ZCCHC12: variants seen among roughly 807,000 people sequenced by gnomAD.
ZCCHC12 encodes zinc finger CCHC-type containing 12.
For missense variants in ZCCHC12, 317 were observed against 323.4 expected, an observed-to-expected ratio of 0.98 and a Z score of 0.15; for synonymous variants, 128 against 123.2, an observed-to-expected ratio of 1.04 and a Z score of -0.26.
At position 118,825,357 on chromosome X, in the gene ZCCHC12, C is replaced by T; in HGVS notation, c.113C>T (p.Ala38Val). The change falls in exon 4 of 4, where the codon GCC becomes GTC. Residue 38 changes from alanine (A) to valine (V), a missense_variant. By Grantham distance (64) the Ala-to-Val change is moderately conservative. Transcript: ENST00000310164. ...SLGRSLGPIM[A>V]SMADRNMKLF... ...GGGAGAAGTCTCGGTCCTATAATGG[C>T]CAGCATGGCAGACAGAAACATGAAG... 2 of 1,210,926 alleles carry T rather than the reference C, an allele frequency of 1.7e-6. No individual in the cohort carries two copies. The highest frequency in any genetic ancestry group is 2.2e-6 in the Non-Finnish European group (2 of 895,081).
In ZCCHC12 at chrX:118,825,338, A is replaced by G. The variant is rs1242421853; in HGVS notation, c.94A>G (p.Ser32Gly). ...AHSMLRSLGRSLGPIMASMAD... is the reference protein window; with the variant it reads ...AHSMLRSLGRGLGPIMASMAD... ...TTCCATGCTGAGGTCCCTGGGGAGA[A>G]GTCTCGGTCCTATAATGGCCAGCAT... The change falls in exon 4 of 4, where the codon AGT becomes GGT. Residue 32 changes from serine (S) to glycine (G), a missense_variant. Ser to Gly is a moderately conservative substitution (Grantham distance 56). Transcript: ENST00000310164. 1.5e-5 allele frequency: 18 copies of G among 1,211,221 alleles called. No homozygotes were observed. The highest frequency in any genetic ancestry group is 3.5e-5 in the South Asian group (2 of 56,838).
chrX:118,823,887 C>T lies in ZCCHC12; in HGVS notation c.-410C>T, dbSNP rs751577294. On this transcript the variant is annotated 5_prime_UTR_variant, in exon 1 of 4. Transcript: ENST00000310164. ...CTGCGAAGCAGCTCCTTCGGGCAGCCCCGGGTCGCTTAGCGGCCAAGGAGG... is the reference window on the plus strand; with the variant it reads ...CTGCGAAGCAGCTCCTTCGGGCAGCTCCGGGTCGCTTAGCGGCCAAGGAGG... 5.3e-5 allele frequency: 6 copies of T among 113,574 alleles called. No homozygotes were observed. In the East Asian group the frequency reaches 1.7e-3, roughly 32 times the overall value. The allele number at this position is 113,574 out of a possible 1,213,427, so 9.4% of individuals were successfully genotyped here. A position where few individuals can be genotyped will look rare whatever the true frequency, so the allele number is the denominator to read the frequency against.
At chrX:118,824,847 T>C (rs1355044740) in intron 3 of ZCCHC12, 134 bp downstream of exon 3, 1 of 192,693 alleles carries the variant, frequency 5.2e-6, no homozygotes, top group Non-Finnish European at 9.5e-6. Flanking sequence ...TGTACTCTAT[T>C]TGGAGAGCCC....
chrX:118,825,893 A>G lies in ZCCHC12; in HGVS notation c.649A>G (p.Arg217Gly). ...CTTTCTGGAGTTAATCAGAATGGTA[A>G]GGGAGGAAGAGGATTGGGATGATGC... The part of the protein sequence containing the change: ...PNFLELIRMV[R>G]EEEDWDDAFI... Residue 217 changes from arginine (R) to glycine (G), a missense_variant, in exon 4 of 4, where the codon AGG (arginine) becomes GGG (glycine). By Grantham distance (125) the Arg-to-Gly change is moderately radical. Coordinates refer to ENST00000310164, the MANE Select transcript of ZCCHC12 (RefSeq NM_173798.4). 1 of 1,211,615 alleles carries G rather than the reference A, an allele frequency of 8.3e-7. No homozygotes were observed. Among genetic ancestry groups the G allele is most frequent in the Non-Finnish European group, 1.1e-6 (1 of 895,503 alleles).
intron 1 of ZCCHC12, 109 bp from the exon 2 acceptor site, chrX:118,824,230 G>A (rs1217425020): frequency 1.8e-5 from 2 of 110,707 alleles, no homozygotes; most frequent in African/African-American, 3.3e-5. Flanking sequence ...GTAGCGGGGG[G>A]AGGAATCTCG....
rs769090004 is a variant in ZCCHC12, at chrX:118,825,692, A to G, written c.448A>G (p.Ile150Val). 1 of 1,209,681 alleles carries G rather than the reference A, an allele frequency of 8.3e-7. No individual in the cohort carries two copies. Among genetic ancestry groups the G allele is most frequent in the African/African-American group, 1.8e-5 (1 of 56,995 alleles). ...AQGEKASLYV[I>V]RLEVQLQNAI... Reference sequence around the variant, plus strand: ...AGGGGAGAAAGCCTCCCTTTATGTGATCCGTTTAGAGGTGCAGCTCCAGAA... The same window carrying G: ...AGGGGAGAAAGCCTCCCTTTATGTGGTCCGTTTAGAGGTGCAGCTCCAGAA... Residue 150 changes from isoleucine to valine, a missense_variant, in exon 4 of 4, where the codon ATC (isoleucine) becomes GTC (valine). Physicochemically the swap from Ile to Val is conservative, Grantham distance 29. Transcript: ENST00000310164.
chrX:118,825,850 G>A lies in ZCCHC12; in HGVS notation c.606G>A (p.Glu202=). 1 of 1,211,817 alleles carries A rather than the reference G, an allele frequency of 8.3e-7. No individual in the cohort carries two copies. Among genetic ancestry groups the A allele is most frequent in the Non-Finnish European group, 1.1e-6 (1 of 895,544 alleles). Reference sequence around the variant, plus strand: ...ATTTTCTCAGGATGTATGCAAATGAGCAGGAGCGGCTTCCCAACTTTCTGG... The same window carrying A: ...ATTTTCTCAGGATGTATGCAAATGAACAGGAGCGGCTTCCCAACTTTCTGG... ...LKDFLRMYAN[E]QERLPNFLEL... Residue 202 remains glutamate, a synonymous_variant, in exon 4 of 4, where the codon GAG becomes GAA. Coordinates refer to ENST00000310164, the MANE Select transcript of ZCCHC12 (RefSeq NM_173798.4).
At position 118,826,431 on chromosome X, in the gene ZCCHC12, A is replaced by G. The variant is rs1207632369; in HGVS notation, c.1187A>G (p.Asn396Ser). 1 of 1,193,806 alleles carries G rather than the reference A, an allele frequency of 8.4e-7. No individual in the cohort carries two copies. The highest frequency in any genetic ancestry group is 3.1e-5 in the East Asian group (1 of 32,568). Reference protein sequence around the residue: ...ERSRVAPGEYNDFSEPL With the variant: ...ERSRVAPGEYSDFSEPL ...TCAAGAGTGGCCCCTGGCGAATACA[A>G]TGACTTCTCTGAGCCACTGTAAGGG... is the stretch of plus-strand genomic sequence containing the variant. The change falls in exon 4 of 4, where the codon AAT becomes AGT. Residue 396 changes from asparagine (N) to serine (S), a missense_variant. Asn to Ser is a conservative substitution (Grantham distance 46). Coordinates refer to ENST00000310164, the MANE Select transcript of ZCCHC12 (RefSeq NM_173798.4).
Position 118,825,713 on chromosome X carries a change from C to A in ZCCHC12, c.469C>A (p.Gln157Lys), listed in dbSNP as rs2018245292. 1 of 1,211,653 alleles carries A rather than the reference C, an allele frequency of 8.3e-7. No homozygotes were observed. Among genetic ancestry groups the A allele is most frequent in the South Asian group, 1.8e-5 (1 of 56,961 alleles). ...TGTGATCCGTTTAGAGGTGCAGCTC[C>A]AGAACGCTATTCAGGCAGGCATTAT... is the stretch of plus-strand genomic sequence containing the variant. The part of the protein sequence containing the change: ...LYVIRLEVQL[Q>K]NAIQAGIIAE... Residue 157 changes from glutamine (Q) to lysine (K), a missense_variant, in exon 4 of 4, where the codon CAG becomes AAG. Coordinates refer to ENST00000310164, the MANE Select transcript of ZCCHC12 (RefSeq NM_173798.4).
In ZCCHC12 at chrX:118,825,525, C is replaced by T. The variant is rs1420039966; in HGVS notation, c.281C>T (p.Ala94Val). The change falls in exon 4 of 4, where the codon GCC (alanine) becomes GTC (valine). Residue 94 changes from alanine to valine, a missense_variant. By Grantham distance (64) the Ala-to-Val change is moderately conservative. Transcript: ENST00000310164. ...KRLMKTLRGP[A>V]REVMRVLQAT... ...TTGATGAAAACCCTTAGGGGCCCTG[C>T]CCGCGAGGTCATGCGTGTGCTTCAG... 2.5e-6 allele frequency: 3 copies of T among 1,210,122 alleles called. No individual in the cohort carries two copies. The highest frequency in any genetic ancestry group is 4.4e-5 in the Admixed American group (2 of 45,777).
At position 118,826,037 on chromosome X, in the gene ZCCHC12, G is replaced by A. The variant is rs2018251084; in HGVS notation, c.793G>A (p.Glu265Lys). 2 of 1,211,457 alleles carry A rather than the reference G, an allele frequency of 1.7e-6. No individual in the cohort carries two copies. The highest frequency in any genetic ancestry group is 1.1e-6 in the Non-Finnish European group (1 of 895,298). Reference protein sequence around the residue: ...VIGSADCNVIEIDDTLDDSDE... With the variant: ...VIGSADCNVIKIDDTLDDSDE... ...CGGCAGTGCTGACTGCAATGTGATA[G>A]AGATAGATGATACCCTCGACGACTC... Residue 265 changes from glutamate to lysine, a missense_variant, in exon 4 of 4, where the codon GAG becomes AAG. Coordinates refer to ENST00000310164, the MANE Select transcript of ZCCHC12 (RefSeq NM_173798.4).
chrX:118,826,417 C>G lies in ZCCHC12; in HGVS notation c.1173C>G (p.Ala391=). ...THTEMERSRV[A]PGEYNDFSEP... The stretch of plus-strand genomic sequence containing the variant: ...CTGAGATGGAGAGGTCAAGAGTGGC[C>G]CCTGGCGAATACAATGACTTCTCTG... Residue 391 remains alanine, a synonymous_variant, in exon 4 of 4, where the codon GCC becomes GCG. Transcript: ENST00000310164. 3 of 1,210,890 alleles carry G rather than the reference C, an allele frequency of 2.5e-6. No homozygotes were observed. The highest frequency in any genetic ancestry group is 3.4e-6 in the Non-Finnish European group (3 of 895,341).
rs1240079900 is a variant in ZCCHC12, at chrX:118,826,714, G to A, written c.*261G>A. ...TTTCCTTGACAGCTTTATTCTTTGT[G>A]AAAGTGGTATAATTTATTGTTAAAT... On this transcript the variant is annotated 3_prime_UTR_variant, in exon 4 of 4. Transcript: ENST00000310164. The A allele has an allele frequency of 7.6e-6, 3 of 392,945 alleles. No individual in the cohort carries two copies. In the East Asian group the frequency reaches 1.3e-4, roughly 17 times the overall value. The allele number at this position is 392,945 out of a possible 1,213,427, so 32.4% of individuals were successfully genotyped here.
rs978757836 is a variant in ZCCHC12, at chrX:118,825,800, A to G, written c.556A>G (p.Arg186Gly). 2.5e-6 allele frequency: 3 copies of G among 1,210,056 alleles called. No homozygotes were observed. Among genetic ancestry groups the G allele is most frequent in the Non-Finnish European group, 2.2e-6 (2 of 895,285 alleles). ...GCTCCTTTTAGGCGGTGAGCTGAGT[A>G]GGGACCTCCGACTCAGACTTAAGGA... ...QQLLLGGELSRDLRLRLKDFL... is the reference protein window; with the variant it reads ...QQLLLGGELSGDLRLRLKDFL... The change falls in exon 4 of 4, where the codon AGG becomes GGG. Residue 186 changes from arginine (R) to glycine (G), a missense_variant. Coordinates refer to ENST00000310164, the MANE Select transcript of ZCCHC12 (RefSeq NM_173798.4).
rs1761870664 is a variant in ZCCHC12, at chrX:118,825,691, G to A, written c.447G>A (p.Val149=). ...QAQGEKASLY[V]IRLEVQLQNA... ...AAGGGGAGAAAGCCTCCCTTTATGT[G>A]ATCCGTTTAGAGGTGCAGCTCCAGA... The change falls in exon 4 of 4, where the codon GTG becomes GTA. Residue 149 remains valine (V), a synonymous_variant. Coordinates refer to ENST00000310164, the MANE Select transcript of ZCCHC12 (RefSeq NM_173798.4). 2 of 1,209,655 alleles carry A rather than the reference G, an allele frequency of 1.7e-6. No individual in the cohort carries two copies. The highest frequency in any genetic ancestry group is 1.8e-5 in the African/African-American group (1 of 56,982).
In ZCCHC12 at chrX:118,826,578, G is replaced by C; in HGVS notation, c.*125G>C. 1.0e-6 allele frequency: 1 copy of C among 963,801 alleles called. No individual in the cohort carries two copies. The highest frequency in any genetic ancestry group is 3.2e-5 in the East Asian group (1 of 31,296). 79.4% of individuals were successfully genotyped at this position (963,801 alleles called of 1,213,427 possible). ...TTAATCCACAAAGCGGCTATCTTTT[G>C]GGGTGGAGTAGAAAGGGTCTTGGAT... On this transcript the variant is annotated 3_prime_UTR_variant, in exon 4 of 4. Transcript: ENST00000310164.
Position 118,825,344 on chromosome X carries a change from G to T in ZCCHC12, c.100G>T (p.Gly34Cys), listed in dbSNP as rs190906444. The T allele has an allele frequency of 1.7e-6, 2 of 1,211,188 alleles. No individual in the cohort carries two copies. Among genetic ancestry groups the T allele is most frequent in the Non-Finnish European group, 2.2e-6 (2 of 895,347 alleles). ...SMLRSLGRSL[G>C]PIMASMADRN... ...GCTGAGGTCCCTGGGGAGAAGTCTC[G>T]GTCCTATAATGGCCAGCATGGCAGA... Residue 34 changes from glycine (G) to cysteine (C), a missense_variant, in exon 4 of 4, where the codon GGT (glycine) becomes TGT (cysteine). Transcript: ENST00000310164.
At position 118,825,941 on chromosome X, in the gene ZCCHC12, A is replaced by G. The variant is rs1187871627; in HGVS notation, c.697A>G (p.Lys233Glu). The G allele has an allele frequency of 4.1e-6, 5 of 1,211,796 alleles. No homozygotes were observed. In the East Asian group the frequency reaches 8.9e-5, roughly 21 times the overall value. ...TGCTTTTATTAAACGGAAGCGTCCA[A>G]AAAGGTCTGAGTCAATGGTGGAGAG... ...DDAFIKRKRP[K>E]RSESMVERAV... Residue 233 changes from lysine to glutamate, a missense_variant, in exon 4 of 4, where the codon AAA becomes GAA. Lys to Glu is a moderately conservative substitution (Grantham distance 56, BLOSUM62 1). Transcript: ENST00000310164.
chrX:118,825,770 C>T lies in ZCCHC12; in HGVS notation c.526C>T (p.Gln176Ter). 1 of 1,211,932 alleles carries T rather than the reference C, an allele frequency of 8.3e-7. No homozygotes were observed. Among genetic ancestry groups the T allele is most frequent in the Non-Finnish European group, 1.1e-6 (1 of 895,590 alleles). Residue 176 changes from glutamine to a stop codon, truncating the protein, a stop_gained, in exon 4 of 4, where the codon CAG (glutamine) becomes TAG (stop). Coordinates refer to ENST00000310164, the MANE Select transcript of ZCCHC12 (RefSeq NM_173798.4). LOFTEE classifies it low-confidence loss of function (END_TRUNC). ...GAAAGATGCAAACCGGACTCGCTTG[C>T]AGCAGCTCCTTTTAGGCGGTGAGCT... ...AEKDANRTRL[Q>*]QLLLGGELSR... is the part of the protein sequence containing the mutation.
Sources: allele counts gnomAD v4.1 joint callset, GRCh38; gene constraint gnomAD v4.1.1; transcripts MANE v1.5; gene names NCBI Gene and HGNC (gene_info 2026-07-23, HGNC 2026-07-21).